The following PIP5K1B variants were observed in gnomAD, a reference collection of about 807,000 sequenced individuals.
PIP5K1B encodes phosphatidylinositol 4-phosphate 5-kinase type-1 beta.
In PIP5K1B, 42 loss-of-function variants were observed where a neutral mutation model predicts 67.0. That is an observed-to-expected ratio of 0.63 (90% confidence interval 0.49 to 0.81). The LOEUF is 0.81. PIP5K1B is among the 30% of genes least tolerant of loss of function. PIP5K1B has a pLI of 0.00. For missense variants in PIP5K1B, 459 were observed against 646.3 expected (o/e 0.71, Z 3.14); for synonymous variants, 214 against 231.4 (o/e 0.92, Z 0.68).
intron 4 of PIP5K1B, among the ~76,000 whole-genome samples, chr9:68,840,887 T>A (rs1379956108): frequency 6.6e-6 from 1 of 152,196 alleles, no homozygotes; most frequent in Non-Finnish European, 1.5e-5. Context: ...GATGTGGACA[T>A]CTTTGGGAGA....
chr9:68,976,910 G>A (rs1020486660), intron 14 of PIP5K1B, among the ~76,000 whole-genome samples: 1 of 152,086 alleles, frequency 6.6e-6, no homozygotes, highest in Non-Finnish European at 1.5e-5. Context: ...TGGGGGTTGG[G>A]GACCCCTGCC....
chr9:68,828,289 G>A (rs370708483), intron 4 of PIP5K1B, among the ~76,000 whole-genome samples: 3 of 152,330 alleles, frequency 2.0e-5, no homozygotes, highest in South Asian at 2.1e-4. Flanking sequence ...GCAGGCTGCC[G>A]TGGGGTCAGA....
chr9:68,829,298 C>T (rs965612090), intron 4 of PIP5K1B, among the ~76,000 whole-genome samples: 2 of 152,142 alleles, frequency 1.3e-5, no homozygotes, highest in African/African-American at 4.8e-5. Flanking sequence ...CAAGCAAACT[C>T]GTTTGTGCTA....
chr9:68,953,456 G>A (rs972969102), intron 14 of PIP5K1B, among the ~76,000 whole-genome samples: 3 of 151,862 alleles, frequency 2.0e-5, no homozygotes, highest in Admixed American at 6.6e-5. Flanking sequence ...CTATACTGGA[G>A]GTTTTCCTCA....
chr9:68,881,708 G>A (rs372431982), intron 6 of PIP5K1B, among the ~76,000 whole-genome samples: 5 of 152,284 alleles, frequency 3.3e-5, no homozygotes, highest in African/African-American at 1.2e-4. Context: ...AGACAGTATG[G>A]TGAAGGGGCT....
chr9:68,983,615 C>T (rs1443660610), intron 14 of PIP5K1B, among the ~76,000 whole-genome samples: 2 of 152,200 alleles, frequency 1.3e-5, no homozygotes, highest in Non-Finnish European at 2.9e-5. Flanking sequence ...ATTCTAGGTG[C>T]AGTGTGCATA....
At chr9:68,884,787 A>T (rs1415297858) in intron 6 of PIP5K1B, among the ~76,000 whole-genome samples, 1 of 152,214 alleles carries the variant, frequency 6.6e-6, no homozygotes, top group African/African-American at 2.4e-5. Context: ...AATGGCTGTT[A>T]TCAAAAAAGA....
chr9:68,824,147 T>TTC (rs1833866331), intron 4 of PIP5K1B: 2 of 518,892 alleles, frequency 3.9e-6, no homozygotes, highest in African/African-American at 1.9e-5. Flanking sequence ...TCCGTGTACA[T>TTC]TCATTCAAGC....
At chr9:68,829,993 G>A (rs1035451634) in intron 4 of PIP5K1B, among the ~76,000 whole-genome samples, 4 of 152,122 alleles carry the variant, frequency 2.6e-5, no homozygotes, top group African/African-American at 9.7e-5. Flanking sequence ...CATGGGAGGT[G>A]AGCTGACAGT....
chr9:68,731,098 G>C (rs1265249705), intron 1 of PIP5K1B, among the ~76,000 whole-genome samples: 1 of 152,194 alleles, frequency 6.6e-6, no homozygotes, highest in African/African-American at 2.4e-5. Flanking sequence ...TTCAATATGT[G>C]TGATAATTTT....
chr9:69,006,399 G>A (rs767093908), intron 15 of PIP5K1B, among the ~76,000 whole-genome samples: 1 of 152,020 alleles, frequency 6.6e-6, no homozygotes, highest in Non-Finnish European at 1.5e-5. Flanking sequence ...AGTGGAGGGG[G>A]TGCAGCTTTA....
At chr9:68,886,718 A>G (rs1020522573) in intron 6 of PIP5K1B, among the ~76,000 whole-genome samples, 2 of 152,212 alleles carry the variant, frequency 1.3e-5, no homozygotes, top group Admixed American at 6.5e-5. Flanking sequence ...AGCTGTGGCA[A>G]CAGTCTATGA....
intron 1 of PIP5K1B, among the ~76,000 whole-genome samples, chr9:68,713,818 G>T (rs891061182): frequency 2.6e-5 from 4 of 152,176 alleles, no homozygotes; most frequent in Non-Finnish European, 4.4e-5. Context: ...TGTCAAGGAG[G>T]CTGACTGTGC....
chr9:68,837,822 G>A (rs1207025915), intron 4 of PIP5K1B, among the ~76,000 whole-genome samples: 1 of 151,310 alleles, frequency 6.6e-6, no homozygotes, highest in Admixed American at 6.6e-5. Flanking sequence ...TTGAACTTTA[G>A]AATTATAAGG....
chr9:68,732,958 G>A (rs917351379), intron 1 of PIP5K1B, among the ~76,000 whole-genome samples: 3 of 151,984 alleles, frequency 2.0e-5, no homozygotes, highest in Admixed American at 1.3e-4. Context: ...TGATGATGAC[G>A]ACGACGATGA....
chr9:68,863,952 G>C lies in PIP5K1B; in HGVS notation c.185G>C (p.Ser62Thr). Residue 62 changes from serine to threonine, a missense_variant, in exon 5 of 16, where the codon AGT becomes ACT. Around this residue, in one of 2 missense-constraint regions of PIP5K1B, gnomAD observed 290 missense variants for 474.4 expected, o/e 0.61. Coordinates refer to ENST00000265382, the MANE Select transcript of PIP5K1B (RefSeq NM_003558.4). ...ATGCAAGACTTTTATGTGGTGGAAA[G>C]TGTGTTCCTACCCAGGTAAGAACAT... ...VLMQDFYVVE[S>T]VFLPSEGSNL... 6.2e-7 allele frequency: 1 copy of C among 1,613,786 alleles called. No homozygotes were observed. Among genetic ancestry groups the C allele is most frequent in the South Asian group, 1.1e-5 (1 of 91,046 alleles).
At chr9:68,997,463 G>C (rs10511960) in intron 15 of PIP5K1B, among the ~76,000 whole-genome samples, 35,233 of 152,106 alleles carry the variant, frequency 0.23, 4,349 homozygotes, top group Admixed American at 0.29. Flanking sequence ...ATGCTGCTCG[G>C]GTTTTTGGTA....
rs745453535 is a variant in PIP5K1B, at chr9:68,894,535, C to A, written c.668C>A (p.Pro223His). ...ASRKEREKSN[P>H]TFKDLDFLQD... ...CGTAAAGAGAGAGAGAAATCCAACC[C>A]CACATTTAAGGACTTAGATTTCCTG... The change falls in exon 8 of 16, where the codon CCC (proline) becomes CAC (histidine). Residue 223 changes from proline to histidine, a missense_variant. By Grantham distance (77) the Pro-to-His change is moderately conservative. Transcript: ENST00000265382. 2 of 1,613,934 alleles carry A rather than the reference C, an allele frequency of 1.2e-6. No homozygotes were observed. The highest frequency in any genetic ancestry group is 1.7e-6 in the Non-Finnish European group (2 of 1,179,960).
intron 6 of PIP5K1B, among the ~76,000 whole-genome samples, chr9:68,884,662 CT>C (rs1364449471): frequency 5.5e-5 from 5 of 91,686 alleles, no homozygotes; most frequent in African/African-American, 1.6e-4. Context: ...AGGACCTTGT[CT>C]TTAAAAAAAA....
Sources: allele counts gnomAD v4.1 joint callset (sites outside exome capture counted in the v4.1 genomes callset), GRCh38; gene constraint gnomAD v4.1.1; regional missense constraint gnomAD v4.1.1; transcripts MANE v1.5; gene names NCBI Gene and HGNC (gene_info 2026-07-23, HGNC 2026-07-21).